The following RAB38 variants were observed in gnomAD, a reference collection of about 807,000 sequenced individuals.
The protein encoded by RAB38 is ras-related protein Rab-38.
RAB38 carries 15 observed loss-of-function variants against 18.4 expected under a neutral mutation model. The observed-to-expected ratio is 0.82, with a 90% CI of 0.55 to 1.26. The LOEUF (loss-of-function observed/expected upper bound fraction) is 1.26, where lower values mean the gene tolerates loss of function less well. Ranked by LOEUF, RAB38 falls within the 50% of genes most tolerant of loss-of-function variation. RAB38 has a pLI of 0.00. For synonymous variants in RAB38, 101 were observed against 104.4 expected (o/e 0.97, Z 0.20); for missense variants, 294 against 267.4 (o/e 1.10, Z -0.69).
At chr11:88,056,185 C>T in the RAB38 span, among the ~76,000 whole-genome samples, 1 of 152,038 alleles carries the variant, frequency 6.6e-6, no homozygotes, top group African/African-American at 2.4e-5. Flanking sequence ...TTTATTTGTT[C>T]TTTCATTCTA....
the RAB38 span, among the ~76,000 whole-genome samples, chr11:87,804,364 G>C: frequency 6.6e-6 from 1 of 152,082 alleles, no homozygotes; most frequent in Non-Finnish European, 1.5e-5. Flanking sequence ...GGTGTCTTCA[G>C]CACTAGTCTT....
the RAB38 span, among the ~76,000 whole-genome samples, chr11:88,094,995 C>T: frequency 5.2e-3 from 785 of 151,912 alleles, 5 homozygotes; most frequent in African/African-American, 0.018. Flanking sequence ...AACATTATTT[C>T]GCCTATGGCC....
At chr11:87,903,913 ATTTTCT>A in the RAB38 span, among the ~76,000 whole-genome samples, 2 of 150,466 alleles carry the variant, frequency 1.3e-5, no homozygotes, top group African/African-American at 4.9e-5. Flanking sequence ...TTGGTATTTC[ATTTTCT>A]TTTTCTTTAT....
chr11:88,025,058 G>A, the RAB38 span, among the ~76,000 whole-genome samples: 2 of 151,896 alleles, frequency 1.3e-5, no homozygotes, highest in Non-Finnish European at 2.9e-5. Flanking sequence ...TGCTTCAGGG[G>A]ATGAATATCC....
At chr11:87,947,999 T>C in the RAB38 span, among the ~76,000 whole-genome samples, 2 of 152,242 alleles carry the variant, frequency 1.3e-5, no homozygotes. Flanking sequence ...ATGGCCATTT[T>C]CATGATATTG....
chr11:87,908,275 G>T, the RAB38 span, among the ~76,000 whole-genome samples: 1 of 151,932 alleles, frequency 6.6e-6, no homozygotes, highest in Non-Finnish European at 1.5e-5. Context: ...GCTTGCTCTT[G>T]TAAGAAAAAT....
intron 2 of RAB38, among the ~76,000 whole-genome samples, chr11:88,116,919 T>C (rs1942562032): frequency 6.6e-6 from 1 of 152,126 alleles, no homozygotes; most frequent in South Asian, 2.1e-4. Context: ...TGTGGGAAAA[T>C]CAATGAAAAT....
chr11:87,869,331 A>C, the RAB38 span, among the ~76,000 whole-genome samples: 2 of 151,350 alleles, frequency 1.3e-5, no homozygotes, highest in East Asian at 2.0e-4. Flanking sequence ...TATTATCCTA[A>C]ACTTAAATAT....
At chr11:88,165,649 C>G (rs1591179022) in intron 1 of RAB38, 1 of 152,026 alleles carries the variant, frequency 6.6e-6, no homozygotes, top group South Asian at 2.1e-4. Flanking sequence ...CAGAATAACA[C>G]AAACTACAAA....
chr11:88,005,543 T>C, the RAB38 span, among the ~76,000 whole-genome samples: 1 of 151,418 alleles, frequency 6.6e-6, no homozygotes, highest in African/African-American at 2.4e-5. Context: ...ATTTTGTTGG[T>C]TGTCTCTTTG....
chr11:87,877,109 C>G, the RAB38 span, among the ~76,000 whole-genome samples: 3 of 151,268 alleles, frequency 2.0e-5, no homozygotes, highest in Non-Finnish European at 4.4e-5. Context: ...CTTTTTATAC[C>G]TAAAGAAAAC....
chr11:88,110,978 TA>T (rs1181770342), downstream of RAB38, among the ~76,000 whole-genome samples: 1 of 151,906 alleles, frequency 6.6e-6, no homozygotes, highest in African/African-American at 2.4e-5. Flanking sequence ...CTGTCTCTAC[TA>T]AAAATGAAAA....
chr11:87,886,580 T>A, the RAB38 span, among the ~76,000 whole-genome samples: 21 of 152,094 alleles, frequency 1.4e-4, no homozygotes, highest in East Asian at 3.7e-3. Flanking sequence ...ACTAATCAAG[T>A]ATCCTGATTC....
At chr11:87,914,249 T>C in the RAB38 span, among the ~76,000 whole-genome samples, 1 of 152,104 alleles carries the variant, frequency 6.6e-6, no homozygotes, top group African/African-American at 2.4e-5. Flanking sequence ...AAAACATTGA[T>C]AGAAACATAG....
At chr11:88,038,103 T>C in the RAB38 span, among the ~76,000 whole-genome samples, 23 of 152,302 alleles carry the variant, frequency 1.5e-4, no homozygotes, top group South Asian at 4.4e-3. Flanking sequence ...TGAAGAGTCT[T>C]GCCTGATACT....
chr11:87,949,678 GT>G, the RAB38 span, among the ~76,000 whole-genome samples: 1 of 152,164 alleles, frequency 6.6e-6, no homozygotes, highest in Non-Finnish European at 1.5e-5. Context: ...AGGTTGTTCA[GT>G]TTCCATGTAG....
At chr11:87,962,722 G>A in the RAB38 span, among the ~76,000 whole-genome samples, 8 of 152,214 alleles carry the variant, frequency 5.3e-5, no homozygotes, top group East Asian at 3.9e-4. Flanking sequence ...TTTTTCAGAC[G>A]GAGGAAATAA....
At chr11:87,960,488 CAAT>C in the RAB38 span, among the ~76,000 whole-genome samples, 3 of 151,782 alleles carry the variant, frequency 2.0e-5, no homozygotes, top group African/African-American at 4.8e-5. Flanking sequence ...ATGCTGATAA[CAAT>C]GATGATAAGA....
At chr11:88,126,317 T>C (rs1387956032) in intron 2 of RAB38, among the ~76,000 whole-genome samples, 1 of 152,176 alleles carries the variant, frequency 6.6e-6, no homozygotes, top group Non-Finnish European at 1.5e-5. Flanking sequence ...TGTCCAATGA[T>C]AGACTGGATT....
Sources: gnomAD v4.1 joint callset for allele counts (sites outside exome capture counted in the v4.1 genomes callset) on GRCh38, gnomAD v4.1.1 for gene constraint, MANE v1.5 for transcripts, NCBI Gene and HGNC (gene_info 2026-07-23, HGNC 2026-07-21) for gene names.